Variants in SPAST observed in about 807,000 individuals in gnomAD.
SPAST encodes the protein spastic paraplegia 4 (autosomal dominant; spastin).
SPAST carries 30 observed loss-of-function variants against 76.6 expected under a neutral mutation model. The ratio of observed to expected loss-of-function variants is 0.39; its 90% CI spans 0.29 to 0.53. The LOEUF is 0.53. SPAST is among the 20% of genes least tolerant of loss of function. The pLI, the probability that SPAST is intolerant of heterozygous loss-of-function variation, is 0.68. For missense variants in SPAST, 717 were observed against 770.5 expected, an observed-to-expected ratio of 0.93 and a Z score of 0.82; for synonymous variants, 305 against 281.0, an observed-to-expected ratio of 1.09 and a Z score of -0.86.
chr2:32,144,497 A>G (rs1481746019), intron 14 of SPAST, among the ~76,000 whole-genome samples: 1 of 152,228 alleles, frequency 6.6e-6, no homozygotes, highest in East Asian at 1.9e-4. Flanking sequence ...CTATTCCCTT[A>G]AAATCAAACC....
chr2:32,081,866 C>T (rs910281140), intron 1 of SPAST, among the ~76,000 whole-genome samples: 12 of 147,340 alleles, frequency 8.1e-5, no homozygotes, highest in East Asian at 2.0e-4. Flanking sequence ...TTTTATATTT[C>T]GATAATTTTT....
intron 4 of SPAST, among the ~76,000 whole-genome samples, chr2:32,113,243 G>A (rs1399146889): frequency 1.3e-5 from 2 of 151,630 alleles, no homozygotes; most frequent in African/African-American, 2.4e-5. Context: ...GTGCCACCAC[G>A]CCCAGCTATT....
chr2:32,097,333 G>A (rs1677953282), intron 3 of SPAST, among the ~76,000 whole-genome samples: 1 of 152,164 alleles, frequency 6.6e-6, no homozygotes, highest in Non-Finnish European at 1.5e-5. Context: ...AATAGGTAAT[G>A]TAGACGTATG....
intron 7 of SPAST, among the ~76,000 whole-genome samples, chr2:32,125,116 G>A: frequency 6.6e-6 from 1 of 152,038 alleles, no homozygotes; most frequent in East Asian, 1.9e-4. Context: ...CAGAGTAGGG[G>A]AAATTGGAAA....
chr2:32,091,119 A>G (rs184995728), intron 3 of SPAST, among the ~76,000 whole-genome samples: 1 of 152,090 alleles, frequency 6.6e-6, no homozygotes, highest in African/African-American at 2.4e-5. Context: ...TGGCTCTACC[A>G]TACGTTGGTG....
At chr2:32,088,590 G>A (rs1019821369) in intron 2 of SPAST, among the ~76,000 whole-genome samples, 2 of 152,212 alleles carry the variant, frequency 1.3e-5, no homozygotes, top group Non-Finnish European at 2.9e-5. Flanking sequence ...GTTGTGGTAA[G>A]CCAAGATCGC....
rs754540160 is a variant in SPAST, at chr2:32,064,116, C to G, written c.285C>G (p.Ala95=). ...ALMAAKRSSG[A]APAPASASAP... is the part of the protein sequence containing the mutation. ...TGGCAGCCAAGAGGAGCTCCGGGGCCGCGCCAGCACCTGCCTCGGCCTCGG... is the reference window on the plus strand; with the variant it reads ...TGGCAGCCAAGAGGAGCTCCGGGGCGGCGCCAGCACCTGCCTCGGCCTCGG... Residue 95 remains alanine, a synonymous_variant, in exon 1 of 17, where the codon GCC becomes GCG. Transcript: ENST00000315285. The G allele has an allele frequency of 2.8e-5, 44 of 1,596,730 alleles. No individual in the cohort carries two copies. The highest frequency in any genetic ancestry group is 3.4e-5 in the Non-Finnish European group (40 of 1,172,124).
chr2:32,087,890 T>C (rs199767640), intron 2 of SPAST, among the ~76,000 whole-genome samples: 2 of 134,930 alleles, frequency 1.5e-5, no homozygotes, highest in Admixed American at 7.5e-5. Context: ...ATTATTATTA[T>C]TACTAGTTTT....
chr2:32,063,705 G>GA lies in SPAST; in HGVS notation c.-126dup. 1 of 1,301,172 alleles carries GA rather than the reference G, an allele frequency of 7.7e-7. No homozygotes were observed. The highest frequency in any genetic ancestry group is 1.0e-6 in the Non-Finnish European group (1 of 959,616). The allele number at this position is 1,301,172 out of a possible 1,614,324, so 80.6% of individuals were successfully genotyped here. A position where few individuals can be genotyped will look rare whatever the true frequency, so the allele number is the denominator to read the frequency against. On this transcript the variant is annotated 5_prime_UTR_variant, in exon 1 of 17. Transcript: ENST00000315285. ...CCGGCGGGCAGCGTGCGGCAGTGCG[G>GA]AGCTCCTGAGACCGGCGGGCACACG...
At chr2:32,096,748 G>T (rs1677931096) in intron 3 of SPAST, among the ~76,000 whole-genome samples, 1 of 151,980 alleles carries the variant, frequency 6.6e-6, no homozygotes, top group South Asian at 2.1e-4. Flanking sequence ...TCACATTTAT[G>T]TACGGATGTC....
chr2:32,137,465 T>A (rs1247036432), intron 12 of SPAST, among the ~76,000 whole-genome samples: 2 of 152,186 alleles, frequency 1.3e-5, no homozygotes, highest in Non-Finnish European at 2.9e-5. Flanking sequence ...GAAAATTGAT[T>A]CTTACCGTCT....
chr2:32,095,838 G>T (rs939966899), intron 3 of SPAST, among the ~76,000 whole-genome samples: 2 of 152,200 alleles, frequency 1.3e-5, no homozygotes, highest in African/African-American at 4.8e-5. Context: ...GTGAGTAGGG[G>T]AGGGTACAGG....
At chr2:32,153,583 G>A (rs1043008820) in intron 16 of SPAST, among the ~76,000 whole-genome samples, 4 of 151,454 alleles carry the variant, frequency 2.6e-5, no homozygotes, top group Non-Finnish European at 4.4e-5. Context: ...CCCAAAGTGC[G>A]GGGATTACAG....
Position 32,116,219 on chromosome 2 carries a change from A to G in SPAST, c.1098+7A>G, listed in dbSNP as rs1288418266. On this transcript the variant is annotated splice_region_variant and intron_variant, in intron 7 of 16. Coordinates refer to ENST00000315285, the MANE Select transcript of SPAST (RefSeq NM_014946.4). Reference sequence around the variant, plus strand: ...TCCTTCTCTGAGGCCTGAGGTAAGAACTTTATATTATCATTTTTCTATAAT... The same window carrying G: ...TCCTTCTCTGAGGCCTGAGGTAAGAGCTTTATATTATCATTTTTCTATAAT... 1.3e-6 allele frequency: 2 copies of G among 1,574,266 alleles called. No homozygotes were observed. Among genetic ancestry groups the G allele is most frequent in the Non-Finnish European group, 1.7e-6 (2 of 1,144,038 alleles).
intron 1 of SPAST, among the ~76,000 whole-genome samples, chr2:32,073,659 C>T (rs1199401088): frequency 6.6e-6 from 1 of 152,122 alleles, no homozygotes; most frequent in East Asian, 1.9e-4. Context: ...TATAATAGTC[C>T]TGCAAAGCCA....
intron 1 of SPAST, among the ~76,000 whole-genome samples, chr2:32,069,682 A>G (rs1054709814): frequency 6.0e-5 from 9 of 150,978 alleles, no homozygotes; most frequent in Non-Finnish European, 1.2e-4. Flanking sequence ...TCAGCCTCCC[A>G]AGTAGCTGGG....
chr2:32,077,486 A>G (rs1677012255), intron 1 of SPAST, among the ~76,000 whole-genome samples: 1 of 152,156 alleles, frequency 6.6e-6, no homozygotes, highest in South Asian at 2.1e-4. Context: ...CATATACCCT[A>G]TTTTATATGA....
In SPAST at chr2:32,096,583, T is replaced by C. The variant is rs576534460; in HGVS notation, c.587-2213T>C. ...CTGTTACACTGTATGTGTCTGTTTC[T>C]ACACATATAAATCTGAATTCTGTGT... On this transcript the variant is annotated intron_variant, in intron 3 of 16. Coordinates refer to ENST00000315285, the MANE Select transcript of SPAST (RefSeq NM_014946.4). Among the ~76,000 whole-genome samples, 6 of 152,352 alleles carry C rather than the reference T, an allele frequency of 3.9e-5. No individual in the cohort carries two copies. The South Asian group carries it at 6.2e-4, about 16-fold the overall frequency.
intron 2 of SPAST, among the ~76,000 whole-genome samples, chr2:32,088,816 T>A (rs1265702972): frequency 6.6e-6 from 1 of 152,208 alleles, no homozygotes; most frequent in Non-Finnish European, 1.5e-5. Context: ...GATATGGTTA[T>A]AACAACAATA....
Sources: allele counts gnomAD v4.1 joint callset (sites outside exome capture counted in the v4.1 genomes callset), GRCh38; gene constraint gnomAD v4.1.1; transcripts MANE v1.5; gene names NCBI Gene and HGNC (gene_info 2026-07-23, HGNC 2026-07-21).